LMNA: variants seen among roughly 807,000 people sequenced by gnomAD.
The protein encoded by LMNA is lamin A/C, also known as lamin.
Under a neutral mutation model 70.4 loss-of-function variants are expected in LMNA, and 20 were observed. That is an observed-to-expected ratio of 0.28 (90% CI 0.20 to 0.41). LMNA has a LOEUF of 0.41. Ranked by LOEUF, LMNA falls within the 10% of genes least tolerant of loss-of-function variation. The pLI, the probability that LMNA is intolerant of heterozygous loss-of-function variation, is 1.00. For synonymous variants in LMNA, 339 were observed against 372.8 expected (o/e 0.91, Z 1.04); for missense variants, 652 against 917.2 (o/e 0.71, Z 3.73).
At chr1:156,119,180 C>T (rs1159270588) in intron 1 of LMNA, among the ~76,000 whole-genome samples, 3 of 150,286 alleles carry the variant, frequency 2.0e-5, no homozygotes, top group African/African-American at 4.9e-5. Flanking sequence ...TGCAGTGGTG[C>T]GATCTCGGCT....
Position 156,130,621 on chromosome 1 carries a change from A to G in LMNA, c.361A>G (p.Thr121Ala), listed in dbSNP as rs543011658. The G allele has an allele frequency of 6.2e-7, 1 of 1,613,938 alleles. No individual in the cohort carries two copies. Among genetic ancestry groups the G allele is most frequent in the East Asian group, 2.2e-5 (1 of 44,880 alleles). The change falls in exon 2 of 12, where the codon ACC (threonine) becomes GCC (alanine). Residue 121 changes from threonine (T) to alanine (A), a missense_variant. Transcript: ENST00000368300. ...ACTCTCCCCTCTCTTCTTTAGCAAT[A>G]CCAAGAAGGAGGGTGACCTGATAGC... ...EEFKELKARN[T>A]KKEGDLIAAQ...
At chr1:156,113,618 C>G (rs552132959), upstream of LMNA, among the ~76,000 whole-genome samples, 19 of 152,038 alleles carry the variant, frequency 1.2e-4, no homozygotes, top group African/African-American at 3.6e-4. Context: ...TTCCTGTCCC[C>G]CACTACCTTC....
rs1651823112 is a variant in LMNA at position 156,138,055 on chromosome 1, T to C, written c.1698+312T>C. 3.6e-6 allele frequency: 2 copies of C among 549,920 alleles called. No homozygotes were observed. The highest frequency in any genetic ancestry group is 3.2e-5 in the East Asian group (1 of 31,348). The allele number at this position is 549,920 out of a possible 1,614,324, so 34.1% of individuals were successfully genotyped here. On this transcript the variant is annotated intron_variant, in intron 10 of 11. Coordinates refer to ENST00000368300, the MANE Select transcript of LMNA (RefSeq NM_170707.4). This position sits in a 1 kb window ranked among gnomAD's most constrained non-coding sequence, Gnocchi z 5.5. ...GGGAGGGGAGGACAGACGTGGGGCATGCCCGCCCTGCCTCTCTCCCCCATT... is the reference window on the plus strand; with the variant it reads ...GGGAGGGGAGGACAGACGTGGGGCACGCCCGCCCTGCCTCTCTCCCCCATT...
chr1:156,135,052 C>T lies in LMNA; in HGVS notation c.810+77C>T. On this transcript the variant is annotated intron_variant, in intron 4 of 11. Coordinates refer to ENST00000368300, the MANE Select transcript of LMNA (RefSeq NM_170707.4). The surrounding 1 kb of genome is among the most constrained non-coding windows in gnomAD (Gnocchi z 4.8). ...CCTTACCCACGCTGGGCTATGCCTT[C>T]TGGGGATCAGGCAGATGGTGGCAGG... 1 of 1,610,148 alleles carries T rather than the reference C, an allele frequency of 6.2e-7. No individual in the cohort carries two copies. Among genetic ancestry groups the T allele is most frequent in the South Asian group, 1.1e-5 (1 of 90,730 alleles).
intron 1 of LMNA, chr1:156,126,503 C>G (rs777188044): frequency 3.7e-5 from 25 of 675,658 alleles, no homozygotes; most frequent in Non-Finnish European, 1.4e-5. Flanking sequence ...TGGGTCAGCG[C>G]CTGGCCCGGT....
Position 156,137,533 on chromosome 1 carries a change from TA to T in LMNA, c.1609-119del. 1.1e-6 allele frequency: 1 copy of T among 951,650 alleles called. No homozygotes were observed. The allele number at this position is 951,650 out of a possible 1,614,324, so 59.0% of individuals were successfully genotyped here. A position where few individuals can be genotyped will look rare whatever the true frequency, so the allele number is the denominator to read the frequency against. On this transcript the variant is annotated intron_variant, in intron 9 of 11. Coordinates refer to ENST00000368300, the MANE Select transcript of LMNA (RefSeq NM_170707.4). This position sits in a 1 kb window ranked among gnomAD's most constrained non-coding sequence, Gnocchi z 4.6. ...AGCTCCATCACCACAGAGGACAGAG[TA>T]AGCAGCAGGCCGGACAAAGGGCAGG...
rs899951110 is a variant in LMNA at position 156,139,192 on chromosome 1, G to T, written c.*86G>T. ...CCACCCCCTGCCCTGCACGTCATGG[G>T]AGGGGGCTTGAAGCCAAAGAAAAAT... On this transcript the variant is annotated 3_prime_UTR_variant, in exon 12 of 12. Coordinates refer to ENST00000368300, the MANE Select transcript of LMNA (RefSeq NM_170707.4). The T allele has an allele frequency of 3.7e-6, 6 of 1,604,512 alleles. No individual in the cohort carries two copies. In the African/African-American group the frequency reaches 8.0e-5, roughly 22 times the overall value.
rs760413367 is a variant in LMNA at position 156,139,134 on chromosome 1, G to T, written c.*28G>T. ...TGGGACCTGCCAGGCAGGGGTGGGGGTGGAGGCTTCCTGCGTCCTCCTCAC... is the reference window on the plus strand; with the variant it reads ...TGGGACCTGCCAGGCAGGGGTGGGGTTGGAGGCTTCCTGCGTCCTCCTCAC... On this transcript the variant is annotated 3_prime_UTR_variant, in exon 12 of 12. Transcript: ENST00000368300. The T allele has an allele frequency of 2.3e-5, 37 of 1,613,568 alleles. 2 individuals are homozygous for T.
At chr1:156,097,115 C>G (rs1055700775) in intron 3 of LMNA, among the ~76,000 whole-genome samples, 7 of 152,150 alleles carry the variant, frequency 4.6e-5, no homozygotes. Flanking sequence ...GTCAGTGAGT[C>G]AAAAGCTGAG....
intron 3 of LMNA, among the ~76,000 whole-genome samples, chr1:156,102,695 G>A (rs1649185737): frequency 6.6e-6 from 1 of 152,150 alleles, no homozygotes; most frequent in African/African-American, 2.4e-5. Flanking sequence ...TTAAGCTTTG[G>A]TTTCTGTGGG....
chr1:156,126,363 A>G (rs1294138415), intron 1 of LMNA: 3 of 763,324 alleles, frequency 3.9e-6, no homozygotes, highest in Non-Finnish European at 6.2e-6. Context: ...CCAGATTGGG[A>G]GAGGAAACGG....
At chr1:156,129,006 G>C (rs1367072175) in intron 1 of LMNA, among the ~76,000 whole-genome samples, 1 of 152,258 alleles carries the variant, frequency 6.6e-6, no homozygotes, top group African/African-American at 2.4e-5. Flanking sequence ...GTCATGGAAA[G>C]TTGGGGCTGT....
At chr1:156,088,725 C>T (rs538245899) in intron 2 of LMNA, among the ~76,000 whole-genome samples, 1 of 152,374 alleles carries the variant, frequency 6.6e-6, no homozygotes, top group Non-Finnish European at 1.5e-5. Flanking sequence ...TCTCAGCTCA[C>T]TGGAGCCTCT....
At chr1:156,092,725 A>G (rs567734201) in intron 3 of LMNA, among the ~76,000 whole-genome samples, 1 of 150,522 alleles carries the variant, frequency 6.6e-6, no homozygotes, top group South Asian at 2.1e-4. Context: ...TGATAAAAGC[A>G]CCATCTTAGT....
At chr1:156,126,097 C>T in intron 1 of LMNA, 1 of 1,325,128 alleles carries the variant, frequency 7.5e-7, no homozygotes, top group South Asian at 1.4e-5. Flanking sequence ...CAGGCGGACT[C>T]CCTGTACCCA....
chr1:156,136,699 G>A lies in LMNA; in HGVS notation c.1381-222G>A. The A allele has an allele frequency of 1.5e-6, 1 of 672,012 alleles. No homozygotes were observed. 41.6% of individuals were successfully genotyped at this position (672,012 alleles called of 1,614,324 possible). On this transcript the variant is annotated intron_variant, in intron 7 of 11. Transcript: ENST00000368300. The surrounding 1 kb of genome is among the most constrained non-coding windows in gnomAD (Gnocchi z 6.1). ...TGAATACTGATCCCTAAGTCTTTGA[G>A]TTGTCAGGAAGATGAAAGATAAGGT... is the stretch of plus-strand genomic sequence containing the variant.
intron 1 of LMNA, among the ~76,000 whole-genome samples, chr1:156,122,732 T>C (rs2102838543): frequency 6.6e-6 from 1 of 152,316 alleles, no homozygotes; most frequent in African/African-American, 2.4e-5. Context: ...GCAGAACTGT[T>C]ACCTTAGAGC....
upstream of LMNA, among the ~76,000 whole-genome samples, chr1:156,113,513 C>T (rs1649618871): frequency 6.6e-6 from 1 of 152,092 alleles, no homozygotes; most frequent in East Asian, 1.9e-4. Context: ...GGCCCCTCCC[C>T]AGAGCCAGCT....
At position 156,094,982 on chromosome 1, in the gene LMNA, A is replaced by G. The variant is rs573289875; in HGVS notation, c.-207+4400A>G. On this transcript the variant is annotated intron_variant, in intron 3 of 12. Transcript: ENST00000368301. ...TGCTCTGTCGCCCAGGCTGGAGTACAGTGGCGTGCACTCACTGCAACTTCC... is the reference window on the plus strand; with the variant it reads ...TGCTCTGTCGCCCAGGCTGGAGTACGGTGGCGTGCACTCACTGCAACTTCC... Among the ~76,000 whole-genome samples the G allele has an allele frequency of 2.0e-5, 3 of 149,196 alleles. No homozygotes were observed. In the East Asian group the frequency reaches 6.0e-4, roughly 30 times the overall value.
Sources: allele counts gnomAD v4.1 joint callset (sites outside exome capture counted in the v4.1 genomes callset), GRCh38; gene constraint gnomAD v4.1.1; non-coding constraint Gnocchi (gnomAD v3.1); transcripts MANE v1.5; gene names NCBI Gene and HGNC (gene_info 2026-07-23, HGNC 2026-07-21).